Variants in CDH12 observed in about 807,000 individuals in gnomAD.
CDH12 encodes the protein cadherin-12.
A neutral mutation model predicts 74.1 loss-of-function variants in CDH12; 41 were observed. That is an observed-to-expected ratio of 0.55 (90% CI 0.43 to 0.72). The LOEUF (loss-of-function observed/expected upper bound fraction) is 0.72. Among genes scored for constraint, CDH12 ranks in the 30% least tolerant of loss-of-function variants. The pLI is 0.00. For synonymous variants in CDH12, 399 were observed against 355.0 expected (o/e 1.12, Z -1.39); for missense variants, 945 against 977.2 (o/e 0.97, Z 0.44).
intron 1 of CDH12, among the ~76,000 whole-genome samples, chr5:22,739,477 A>G (rs1337862598): frequency 6.6e-6 from 1 of 152,108 alleles, no homozygotes; most frequent in African/African-American, 2.4e-5. Context: ...GAAGACTAAA[A>G]TATTCCCAGT....
At chr5:22,467,248 C>T (rs1745774054) in intron 2 of CDH12, among the ~76,000 whole-genome samples, 1 of 152,114 alleles carries the variant, frequency 6.6e-6, no homozygotes, top group South Asian at 2.1e-4. Flanking sequence ...AAAATTTTAA[C>T]TGTTTAGCGA....
chr5:22,102,601 G>A lies in CDH12; in HGVS notation c.-186-23739C>T, dbSNP rs750619180. Among the ~76,000 whole-genome samples the A allele has an allele frequency of 4.6e-5, 7 of 152,156 alleles. No individual in the cohort carries two copies. The East Asian group carries it at 5.8e-4, about 13-fold the overall frequency. ...GGAGAATCGCTTGTACCCGGGAGGC[G>A]TAGGTTGCAGTCATCGCGTCACTGC... On this transcript the variant is annotated intron_variant, in intron 4 of 14. Coordinates refer to ENST00000382254, the MANE Select transcript of CDH12 (RefSeq NM_004061.5).
chr5:21,973,127 A>C (rs1756925250), intron 6 of CDH12, among the ~76,000 whole-genome samples: 1 of 151,472 alleles, frequency 6.6e-6, no homozygotes, highest in Non-Finnish European at 1.5e-5. Context: ...GGATCTCTTC[A>C]GCCCAGGAAT....
In CDH12 at chr5:22,018,490, G is replaced by A. The variant is rs114347071; in HGVS notation, c.232-43105C>T. ...TCCATTCACTGTGTGCTGCACATAC[G>A]TTGGAACTTTGTATTTTTTGAGTGG... On this transcript the variant is annotated intron_variant, in intron 5 of 14. Transcript: ENST00000382254. 4.0e-3 allele frequency among the ~76,000 whole-genome samples: 610 copies of A among 152,232 alleles called. 8 individuals carry two copies. The highest frequency in any genetic ancestry group is 0.014 in the Middle Eastern group (4 of 294).
chr5:22,804,421 T>C (rs987832959), intron 1 of CDH12, among the ~76,000 whole-genome samples: 1 of 152,052 alleles, frequency 6.6e-6, no homozygotes, highest in African/African-American at 2.4e-5. Context: ...TTTTATGGAA[T>C]TGGCTTATGT....
chr5:22,035,396 A>G (rs996230474), intron 5 of CDH12, among the ~76,000 whole-genome samples: 4 of 152,010 alleles, frequency 2.6e-5, no homozygotes, highest in Non-Finnish European at 5.9e-5. Context: ...GTATATATAT[A>G]TATATATGCA....
At chr5:22,003,744 C>T (rs189874039) in intron 5 of CDH12, among the ~76,000 whole-genome samples, 1 of 149,630 alleles carries the variant, frequency 6.7e-6, no homozygotes, top group Non-Finnish European at 1.5e-5. Flanking sequence ...TTCCCCAAGA[C>T]CCATCTTCAT....
chr5:22,418,963 G>A (rs912070748), intron 2 of CDH12, among the ~76,000 whole-genome samples: 9 of 152,154 alleles, frequency 5.9e-5, no homozygotes, highest in African/African-American at 2.2e-4. Context: ...TTTATTGAGA[G>A]TTTTTAGCAT....
intron 3 of CDH12, among the ~76,000 whole-genome samples, chr5:22,388,455 A>C (rs1229413427): frequency 6.6e-6 from 1 of 152,136 alleles, no homozygotes; most frequent in Non-Finnish European, 1.5e-5. Context: ...CAGTTGCCTG[A>C]GATCATAAAG....
chr5:22,834,336 G>T (rs575991144), intron 1 of CDH12, among the ~76,000 whole-genome samples: 21 of 152,176 alleles, frequency 1.4e-4, no homozygotes, highest in African/African-American at 4.6e-4. Flanking sequence ...AGACTGGAAA[G>T]AATGACAGGA....
At chr5:22,461,860 A>G (rs369569092) in intron 2 of CDH12, among the ~76,000 whole-genome samples, 6 of 152,050 alleles carry the variant, frequency 3.9e-5, no homozygotes, top group Admixed American at 2.6e-4. Flanking sequence ...TTATATGAGC[A>G]TATGAATAGT....
At chr5:22,107,283 C>T (rs1448233475) in intron 4 of CDH12, among the ~76,000 whole-genome samples, 1 of 149,906 alleles carries the variant, frequency 6.7e-6, no homozygotes, top group Non-Finnish European at 1.5e-5. Context: ...AGGCGCCCAC[C>T]ACCATGCCTG....
intron 4 of CDH12, among the ~76,000 whole-genome samples, chr5:22,079,286 T>C (rs1742550975): frequency 6.6e-6 from 1 of 152,202 alleles, no homozygotes; most frequent in Non-Finnish European, 1.5e-5. Flanking sequence ...TTTTTTCTTC[T>C]ACTTAATAGA....
At chr5:22,594,213 C>A (rs1378584984) in intron 1 of CDH12, among the ~76,000 whole-genome samples, 1 of 152,208 alleles carries the variant, frequency 6.6e-6, no homozygotes, top group East Asian at 1.9e-4. Flanking sequence ...AGGCCCTTCA[C>A]ATACTCCCCG....
At chr5:21,809,948 T>C (rs941642254) in intron 9 of CDH12, among the ~76,000 whole-genome samples, 2 of 152,044 alleles carry the variant, frequency 1.3e-5, no homozygotes, top group Non-Finnish European at 2.9e-5. Flanking sequence ...GAGGCCTTTG[T>C]TGAGAAGCAA....
intron 7 of CDH12, among the ~76,000 whole-genome samples, chr5:21,853,196 T>C (rs1477112142): frequency 6.6e-6 from 1 of 151,570 alleles, no homozygotes; most frequent in Admixed American, 6.6e-5. Flanking sequence ...TTATCTTTAC[T>C]GCCATATTTC....
intron 6 of CDH12, among the ~76,000 whole-genome samples, chr5:21,860,843 G>GACAGTTCCCAA (rs761232389): frequency 1.7e-3 from 263 of 152,194 alleles, no homozygotes; most frequent in Non-Finnish European, 3.3e-3. Flanking sequence ...TTTGGGACTT[G>GACAGTTCCCAA]AACTGGCTTC....
At chr5:22,323,421 C>T (rs1205536812) in intron 3 of CDH12, among the ~76,000 whole-genome samples, 1 of 152,072 alleles carries the variant, frequency 6.6e-6, no homozygotes, top group Non-Finnish European at 1.5e-5. Flanking sequence ...TACTTTTATA[C>T]ATTTACTTTT....
At chr5:22,228,477 C>G (rs1380504056) in intron 3 of CDH12, among the ~76,000 whole-genome samples, 3 of 152,060 alleles carry the variant, frequency 2.0e-5, no homozygotes, top group Non-Finnish European at 4.4e-5. Context: ...TGAAAAACTT[C>G]AGATTACCCC....
Sources: allele counts gnomAD v4.1 joint callset (sites outside exome capture counted in the v4.1 genomes callset), GRCh38; gene constraint gnomAD v4.1.1; transcripts MANE v1.5; gene names NCBI Gene and HGNC (gene_info 2026-07-23, HGNC 2026-07-21).